The following HIVEP2 variants were observed in gnomAD, a reference collection of about 807,000 sequenced individuals.
The protein encoded by HIVEP2 is HIVEP zinc finger 2.
HIVEP2 carries 14 observed loss-of-function variants against 180.7 expected under a neutral mutation model. The observed-to-expected ratio is 0.08, with a 90% confidence interval of 0.05 to 0.12. The LOEUF (loss-of-function observed/expected upper bound fraction) is 0.12, where lower values mean the gene tolerates loss of function less well. Among genes scored for constraint, HIVEP2 ranks in the 10% least tolerant of loss-of-function variants. The pLI, the probability that HIVEP2 is intolerant of heterozygous loss-of-function variation, is 1.00. For missense variants in HIVEP2, 2,579 were observed against 3,008.5 expected (o/e 0.86, Z 3.34); for synonymous variants, 1,184 against 1,136.4 (o/e 1.04, Z -0.84).
At chr6:142,941,275 G>T (rs191956681) in intron 1 of HIVEP2, among the ~76,000 whole-genome samples, 1 of 152,148 alleles carries the variant, frequency 6.6e-6, no homozygotes, top group African/African-American at 2.4e-5. Context: ...TTCCCACGAC[G>T]ATTTTGGAGT....
chr6:142,825,287 TACACAC>T (rs11468410), intron 2 of HIVEP2, among the ~76,000 whole-genome samples: 28 of 149,754 alleles, frequency 1.9e-4, no homozygotes, highest in African/African-American at 4.2e-4. Context: ...AAAGTCCAAT[TACACAC>T]ACACACACAC....
chr6:142,791,419 T>C (rs1012902993), intron 2 of HIVEP2, among the ~76,000 whole-genome samples: 1 of 152,222 alleles, frequency 6.6e-6, no homozygotes, highest in Non-Finnish European at 1.5e-5. Flanking sequence ...TACATGGTTA[T>C]TCAGGTACCT....
chr6:142,903,330 T>A (rs1476534543), intron 1 of HIVEP2, among the ~76,000 whole-genome samples: 1 of 152,244 alleles, frequency 6.6e-6, no homozygotes, highest in Non-Finnish European at 1.5e-5. Context: ...TTAGTAAGCA[T>A]AAATTTAAGA....
At chr6:142,855,410 C>T (rs1397440555) in intron 1 of HIVEP2, among the ~76,000 whole-genome samples, 2 of 152,288 alleles carry the variant, frequency 1.3e-5, no homozygotes, top group South Asian at 2.1e-4. Context: ...CCGTCATCCC[C>T]AGAGCACCAT....
intron 2 of HIVEP2, among the ~76,000 whole-genome samples, chr6:142,793,481 C>G (rs1176410541): frequency 6.6e-6 from 1 of 152,056 alleles, no homozygotes; most frequent in African/African-American, 2.4e-5. Flanking sequence ...ACCATGATTA[C>G]CAAAATATGT....
chr6:142,891,674 C>A (rs1776865099), intron 1 of HIVEP2, among the ~76,000 whole-genome samples: 2 of 152,162 alleles, frequency 1.3e-5, no homozygotes, highest in African/African-American at 2.4e-5. Context: ...CTCCCTGGGC[C>A]TTGCCCTCCT....
chr6:142,781,221 A>G (rs1775851890), intron 3 of HIVEP2, among the ~76,000 whole-genome samples: 1 of 152,226 alleles, frequency 6.6e-6, no homozygotes, highest in Non-Finnish European at 1.5e-5. Flanking sequence ...TCATTAAAAT[A>G]TATACCAGGT....
chr6:142,836,323 T>C (rs1775221655), intron 2 of HIVEP2, among the ~76,000 whole-genome samples: 1 of 152,148 alleles, frequency 6.6e-6, no homozygotes, highest in Non-Finnish European at 1.5e-5. Flanking sequence ...GCCAAAGTCC[T>C]GTTCCCACTA....
At chr6:142,923,236 G>T (rs1288337991) in intron 1 of HIVEP2, among the ~76,000 whole-genome samples, 1 of 151,988 alleles carries the variant, frequency 6.6e-6, no homozygotes, top group Non-Finnish European at 1.5e-5. Context: ...GGAGGCTGAG[G>T]TAGGGAATTG....
intron 1 of HIVEP2, among the ~76,000 whole-genome samples, chr6:142,898,300 T>C (rs1471383133): frequency 6.6e-6 from 1 of 152,178 alleles, no homozygotes; most frequent in Non-Finnish European, 1.5e-5. Context: ...AACTCAGGTC[T>C]TTCTTATCCC....
chr6:142,768,151 AG>A (rs1408314292), intron 6 of HIVEP2, among the ~76,000 whole-genome samples: 1 of 152,236 alleles, frequency 6.6e-6, no homozygotes, highest in African/African-American at 2.4e-5. Context: ...TGAAAATTTA[AG>A]GAAGAGGCTT....
intron 1 of HIVEP2, among the ~76,000 whole-genome samples, chr6:142,859,108 A>C (rs191777406): frequency 3.0e-4 from 46 of 152,294 alleles, no homozygotes; most frequent in Admixed American, 2.5e-3. Flanking sequence ...AACTATGTAG[A>C]TACTGTAGAA....
chr6:142,769,258 A>C (rs1010190904), intron 5 of HIVEP2, among the ~76,000 whole-genome samples: 1 of 152,204 alleles, frequency 6.6e-6, no homozygotes, highest in South Asian at 2.1e-4. Context: ...CAGAAGGAAA[A>C]TAACCCATGG....
At chr6:142,768,349 T>C (rs1775425393) in intron 6 of HIVEP2, 33 bp downstream of exon 6, 1 of 1,599,716 alleles carries the variant, frequency 6.3e-7, no homozygotes, top group Non-Finnish European at 8.5e-7. Flanking sequence ...GACCTATAAC[T>C]GCACATTTTA....
chr6:142,890,245 T>G (rs890138571), intron 1 of HIVEP2, among the ~76,000 whole-genome samples: 3 of 152,212 alleles, frequency 2.0e-5, no homozygotes, highest in African/African-American at 7.2e-5. Context: ...TTTAAGAAAT[T>G]TATCCATGAA....
rs367739873 is a variant in HIVEP2 at position 142,904,361 on chromosome 6, T to C, written c.-641+40738A>G. ...TGAAAACAATGCTAGAGTAAAAAGGTTACAGTGTCACATATACTTTCCTTT... is the reference window on the plus strand; with the variant it reads ...TGAAAACAATGCTAGAGTAAAAAGGCTACAGTGTCACATATACTTTCCTTT... On this transcript the variant is annotated intron_variant, in intron 1 of 9. Coordinates refer to ENST00000367603, the MANE Select transcript of HIVEP2 (RefSeq NM_006734.4). Among the ~76,000 whole-genome samples, 53 of 152,294 alleles carry C rather than the reference T, an allele frequency of 3.5e-4. No homozygotes were observed. The East Asian group carries it at 6.7e-3, about 19-fold the overall frequency.
intron 2 of HIVEP2, among the ~76,000 whole-genome samples, chr6:142,797,887 C>T (rs1203422122): frequency 5.3e-5 from 8 of 151,932 alleles, no homozygotes; most frequent in Non-Finnish European, 1.2e-4. Context: ...AATATATCCC[C>T]CTTGGATAAG....
At chr6:142,801,191 C>CAAAA (rs10717703) in intron 2 of HIVEP2, among the ~76,000 whole-genome samples, 13 of 86,992 alleles carry the variant, frequency 1.5e-4, no homozygotes, top group Non-Finnish European at 2.2e-4. Context: ...TGGCCAGTGT[C>CAAAA]AAAAAAAAAA....
intron 2 of HIVEP2, among the ~76,000 whole-genome samples, chr6:142,785,658 T>G (rs1388762680): frequency 6.6e-6 from 1 of 152,188 alleles, no homozygotes; most frequent in African/African-American, 2.4e-5. Flanking sequence ...GCATTCCCAG[T>G]TCTGACTCCG....
Sources: gnomAD v4.1 joint callset for allele counts (sites outside exome capture counted in the v4.1 genomes callset) on GRCh38, gnomAD v4.1.1 for gene constraint, MANE v1.5 for transcripts, NCBI Gene and HGNC (gene_info 2026-07-23, HGNC 2026-07-21) for gene names.